CSMD2: variants seen among roughly 807,000 people sequenced by gnomAD.
CSMD2 encodes CUB and sushi domain-containing protein 2.
Under a neutral mutation model 398.5 loss-of-function variants are expected in CSMD2, and 130 were observed. The ratio of observed to expected loss-of-function variants is 0.33; its 90% CI spans 0.28 to 0.38. The LOEUF is 0.38. Among genes scored for constraint, CSMD2 ranks in the 10% least tolerant of loss-of-function variants. The probability of loss-of-function intolerance (pLI) is 1.00; values close to 1 mark genes in which losing one functional copy is unlikely to be tolerated. For missense variants in CSMD2, 3,829 were observed against 4,764.9 expected (o/e 0.80, Z 5.78); for synonymous variants, 1,828 against 1,908.5 (o/e 0.96, Z 1.10).
intron 1 of CSMD2, among the ~76,000 whole-genome samples, chr1:34,089,408 T>C (rs1336945376): frequency 6.6e-6 from 1 of 152,158 alleles, no homozygotes; most frequent in African/African-American, 2.4e-5. Flanking sequence ...ATACATTGTG[T>C]ATCATTTAAT....
At chr1:33,731,011 A>G (rs1646699474) in intron 15 of CSMD2, among the ~76,000 whole-genome samples, 1 of 152,194 alleles carries the variant, frequency 6.6e-6, no homozygotes, top group African/African-American at 2.4e-5. Flanking sequence ...TGGGTCAGAG[A>G]CAGAAAATGT....
chr1:33,573,838 A>G (rs1356218159), intron 49 of CSMD2, among the ~76,000 whole-genome samples: 2 of 152,212 alleles, frequency 1.3e-5, no homozygotes, highest in Admixed American at 1.3e-4. Flanking sequence ...AATCCCTCTT[A>G]GATTCACCAT....
chr1:33,772,732 G>A lies in CSMD2; in HGVS notation c.1683C>T (p.Cys561=), dbSNP rs1046637863. 28 of 1,612,932 alleles carry A rather than the reference G, an allele frequency of 1.7e-5. No individual in the cohort carries two copies. The highest frequency in any genetic ancestry group is 2.0e-5 in the Non-Finnish European group (24 of 1,179,154). Residue 561 remains cysteine (C), a synonymous_variant, in exon 13 of 71, where the codon TGC becomes TGT. Coordinates refer to ENST00000373381, the MANE Select transcript of CSMD2 (RefSeq NM_001281956.2). ...CATATGCAGGTATGCCAGGGTCACC[G>A]CAACTGCCCTGCTCGATCTCTGAAA... is the stretch of plus-strand genomic sequence containing the variant. The part of the protein sequence containing the change: ...ASYEEIEQGS[C]GDPGIPAYGR...
chr1:33,536,242 G>A (rs1336552334), intron 62 of CSMD2, among the ~76,000 whole-genome samples: 2 of 151,678 alleles, frequency 1.3e-5, no homozygotes, highest in Admixed American at 6.6e-5. Flanking sequence ...TTTTTTTTCT[G>A]AGACCGAGTC....
chr1:33,910,446 G>A (rs1029978757), intron 5 of CSMD2, among the ~76,000 whole-genome samples: 7 of 152,132 alleles, frequency 4.6e-5, no homozygotes, highest in African/African-American at 4.8e-5. Context: ...CAGCATCACC[G>A]CCCTCTTACA....
At chr1:33,675,772 G>C (rs1284658700) in intron 25 of CSMD2, among the ~76,000 whole-genome samples, 1 of 152,158 alleles carries the variant, frequency 6.6e-6, no homozygotes, top group Non-Finnish European at 1.5e-5. Context: ...GATCAAGTGG[G>C]CTTCATCCCT....
chr1:33,845,582 G>T (rs1661275086), intron 6 of CSMD2, among the ~76,000 whole-genome samples: 2 of 152,234 alleles, frequency 1.3e-5, no homozygotes, highest in African/African-American at 4.8e-5. Flanking sequence ...AAACACAGCA[G>T]AAAGATACAG....
intron 29 of CSMD2, among the ~76,000 whole-genome samples, chr1:33,638,806 A>C (rs1036576185): frequency 1.3e-4 from 19 of 149,500 alleles, no homozygotes; most frequent in African/African-American, 4.2e-4. Context: ...AAATTGCAAT[A>C]CTCCTCTCCC....
chr1:33,864,326 T>A (rs1389741521), intron 5 of CSMD2: 1 of 1,613,810 alleles, frequency 6.2e-7, no homozygotes, highest in East Asian at 2.2e-5. Context: ...CTAGAAAGTG[T>A]TCGGAAAAAT....
intron 5 of CSMD2, among the ~76,000 whole-genome samples, chr1:33,893,732 T>G (rs952421416): frequency 6.6e-6 from 1 of 152,250 alleles, no homozygotes; most frequent in African/African-American, 2.4e-5. Flanking sequence ...GCAGACTGTC[T>G]TGCATTCCAG....
At chr1:33,902,756 G>A (rs1642839201) in intron 5 of CSMD2, among the ~76,000 whole-genome samples, 1 of 152,182 alleles carries the variant, frequency 6.6e-6, no homozygotes, top group Non-Finnish European at 1.5e-5. Context: ...GGAGGCTGGA[G>A]GCTACAGATA....
At chr1:33,640,006 G>A (rs1348302592) in intron 29 of CSMD2, among the ~76,000 whole-genome samples, 1 of 152,176 alleles carries the variant, frequency 6.6e-6, no homozygotes, top group South Asian at 2.1e-4. Flanking sequence ...CAGCTATTTA[G>A]AGGTAGAATT....
chr1:34,062,561 G>GTCTT (rs1468941299), intron 2 of CSMD2, among the ~76,000 whole-genome samples: 1 of 152,196 alleles, frequency 6.6e-6, no homozygotes, highest in African/African-American at 2.4e-5. Context: ...CAGAGGGAGG[G>GTCTT]GCTCCGGGGG....
intron 13 of CSMD2, among the ~76,000 whole-genome samples, chr1:33,769,198 T>C (rs1444084099): frequency 3.3e-5 from 5 of 152,220 alleles, no homozygotes; most frequent in Admixed American, 3.3e-4. Context: ...CTCTCTATTC[T>C]TTTGTAAGGA....
chr1:34,012,966 G>A (rs1647567663), intron 3 of CSMD2, among the ~76,000 whole-genome samples: 1 of 152,144 alleles, frequency 6.6e-6, no homozygotes, highest in Non-Finnish European at 1.5e-5. Flanking sequence ...ATCTGCAATG[G>A]GCCAGCAAAG....
intron 1 of CSMD2, among the ~76,000 whole-genome samples, chr1:34,095,282 C>A (rs1417786014): frequency 1.1e-3 from 141 of 132,618 alleles, no homozygotes; most frequent in Middle Eastern, 3.7e-3. Flanking sequence ...AAATTTATAG[C>A]ACTAAATGCC....
intron 55 of CSMD2, among the ~76,000 whole-genome samples, chr1:33,553,700 A>G (rs942164291): frequency 3.9e-5 from 6 of 152,186 alleles, no homozygotes; most frequent in Non-Finnish European, 1.5e-5. Flanking sequence ...ATGCAAAGGA[A>G]AAGTTCCTGC....
At chr1:33,833,322 C>G (rs1282695500) in intron 6 of CSMD2, among the ~76,000 whole-genome samples, 1 of 129,584 alleles carries the variant, frequency 7.7e-6, no homozygotes, top group East Asian at 2.3e-4. Flanking sequence ...TGAGCTTCAT[C>G]CCTGGGATGC....
intron 10 of CSMD2, chr1:33,805,001 T>C: frequency 1.5e-6 from 1 of 661,782 alleles, no homozygotes; most frequent in East Asian, 2.7e-5. Flanking sequence ...CTCTGCACAC[T>C]CTAAGCGGTG....
Sources: allele counts gnomAD v4.1 joint callset (sites outside exome capture counted in the v4.1 genomes callset), GRCh38; gene constraint gnomAD v4.1.1; transcripts MANE v1.5; gene names NCBI Gene and HGNC (gene_info 2026-07-23, HGNC 2026-07-21).